The following PSMB8 variants were observed in gnomAD, a reference collection of about 807,000 sequenced individuals.
The protein encoded by PSMB8 is proteasome 20S subunit beta 8.
PSMB8 carries 20 observed loss-of-function variants against 32.3 expected under a neutral mutation model. The ratio of observed to expected loss-of-function variants is 0.62; its 90% CI spans 0.44 to 0.90. The LOEUF (loss-of-function observed/expected upper bound fraction) is 0.90. Among genes scored for constraint, PSMB8 ranks in the 40% least tolerant of loss-of-function variants. The probability of loss-of-function intolerance (pLI) is 0.00; values close to 1 mark genes in which losing one functional copy is unlikely to be tolerated. For missense variants in PSMB8, 342 were observed against 365.4 expected (o/e 0.94, Z 0.52); for synonymous variants, 131 against 135.4 (o/e 0.97, Z 0.23).
chr6:32,842,964 C>T lies in PSMB8; in HGVS notation c.273G>A (p.Arg91=), dbSNP rs756757083. 1 of 1,613,290 alleles carries T rather than the reference C, an allele frequency of 6.2e-7. No homozygotes were observed. The highest frequency in any genetic ancestry group is 1.1e-5 in the South Asian group (1 of 91,084). The change falls in exon 2 of 6, where the codon CGG becomes CGA. Residue 91 remains arginine (R), a synonymous_variant. Transcript: ENST00000374882. ...QHGVIAAVDS[R]ASAGSYISAL... is the part of the protein sequence containing the mutation. Reference sequence around the variant, plus strand: ...CACTAATGTAGGACCCAGCTGAGGCCCGAGAATCCACTGCTGCAATCACTC... The same window carrying T: ...CACTAATGTAGGACCCAGCTGAGGCTCGAGAATCCACTGCTGCAATCACTC...
chr6:32,843,752 T>G, intron 1 of PSMB8, 98 bp downstream of exon 1: 1 of 1,486,920 alleles, frequency 6.7e-7, no homozygotes. Context: ...CCCGACCCTG[T>G]ACCCCGCGCT....
chr6:32,842,941 C>G lies in PSMB8; in HGVS notation c.295+1G>C. 2 of 1,613,706 alleles carry G rather than the reference C, an allele frequency of 1.2e-6. No homozygotes were observed. The highest frequency in any genetic ancestry group is 1.3e-5 in the African/African-American group (1 of 75,058). On this transcript the variant is annotated splice_donor_variant, in intron 2 of 5. Coordinates refer to ENST00000374882, the MANE Select transcript of PSMB8 (RefSeq NM_148919.4). LOFTEE classifies it high-confidence loss of function. ...CTGCCTGCTGGAGCGTATACACTCA[C>G]TAATGTAGGACCCAGCTGAGGCCCG...
Position 32,843,028 on chromosome 6 carries a change from G to T in PSMB8, c.209C>A (p.Ala70Asp), listed in dbSNP as rs933373451. Residue 70 changes from alanine to aspartate, a missense_variant, in exon 2 of 6, where the codon GCC becomes GAC. Transcript: ENST00000374882. Reference protein sequence around the residue: ...DGERNVQIEMAHGTTTLAFKF... With the variant: ...DGERNVQIEMDHGTTTLAFKF... ...GAAGGCGAGCGTGGTGGTGCCATGG[G>T]CCATCTCAATCTGAACGTTCCTTTC... 6.8e-6 allele frequency: 11 copies of T among 1,613,096 alleles called. No individual in the cohort carries two copies. The South Asian group carries it at 1.2e-4, about 18-fold the overall frequency.
chr6:32,841,776 A>G, intron 4 of PSMB8, 41 bp from the exon 5 acceptor site: 1 of 1,572,104 alleles, frequency 6.4e-7, no homozygotes, highest in Admixed American at 1.7e-5. Context: ...GGAGAGGAAG[A>G]TGTTGGTAAC....
chr6:32,844,286 C>T (rs1312813989), upstream of PSMB8: 1 of 1,613,820 alleles, frequency 6.2e-7, no homozygotes, highest in South Asian at 1.1e-5. Flanking sequence ...TACCTCCAGG[C>T]CCGGGCATCC....
intron 1 of PSMB8, 144 bp from the exon 2 acceptor site, chr6:32,843,233 C>G (rs569536912): frequency 2.1e-5 from 20 of 964,028 alleles, no homozygotes; most frequent in Non-Finnish European, 3.2e-5. Flanking sequence ...TAACCAATCT[C>G]TAGAAGGAAA....
In PSMB8 at chr6:32,842,951, A is replaced by T; in HGVS notation, c.286T>A (p.Ser96Thr). ...AAVDSRASAG[S>T]YISALRVNKV... ...GAGCGTATACACTCACTAATGTAGG[A>T]CCCAGCTGAGGCCCGAGAATCCACT... Residue 96 changes from serine (S) to threonine (T), a missense_variant, in exon 2 of 6, where the codon TCC becomes ACC. Ser to Thr is a moderately conservative substitution (Grantham distance 58, BLOSUM62 1). Transcript: ENST00000374882. 6.2e-7 allele frequency: 1 copy of T among 1,613,452 alleles called. No individual in the cohort carries two copies.
chr6:32,844,661 G>T, upstream of PSMB8: 1 of 541,848 alleles, frequency 1.8e-6, no homozygotes, highest in Non-Finnish European at 3.3e-6. Flanking sequence ...TCCCTGCTTG[G>T]CTGAGCACTG....
At position 32,843,135 on chromosome 6, in the gene PSMB8, G is replaced by T. The variant is rs769899420; in HGVS notation, c.148-46C>A. On this transcript the variant is annotated intron_variant, in intron 1 of 5. Transcript: ENST00000374882. ...GAGAAAGGCAATGAAAAATTCTGTA[G>T]TAAGAGGCTCCAGGAAAAGGTTTTA... The T allele has an allele frequency of 2.5e-6, 4 of 1,606,880 alleles. No individual in the cohort carries two copies. The East Asian group carries it at 8.9e-5, about 36-fold the overall frequency.
chr6:32,841,626 C>T lies in PSMB8; in HGVS notation c.647G>A (p.Arg216Gln), dbSNP rs1304795371. ...YAYGVMDSGY[R>Q]PNLSPEEAYD... ...GGCCTCTTCAGGGCTAAGATTAGGC[C>T]GATAGCCACTGTCCATGACCCCGTA... The change falls in exon 5 of 6, where the codon CGG (arginine) becomes CAG (glutamine). Residue 216 changes from arginine to glutamine, a missense_variant. By Grantham distance (43) the Arg-to-Gln change is conservative. Coordinates refer to ENST00000374882, the MANE Select transcript of PSMB8 (RefSeq NM_148919.4). The T allele has an allele frequency of 1.3e-5, 21 of 1,612,822 alleles. No individual in the cohort carries two copies. Among genetic ancestry groups the T allele is most frequent in the African/African-American group, 2.7e-5 (2 of 74,882 alleles).
upstream of PSMB8, chr6:32,844,643 A>G (rs1348853319): frequency 7.0e-6 from 4 of 571,522 alleles, no homozygotes; most frequent in African/African-American, 7.5e-5. Flanking sequence ...CGCCCTTCCT[A>G]GCGTTGCTCC....
At chr6:32,841,427 G>C (rs1428598906) in intron 5 of PSMB8, 104 bp downstream of exon 5, 1 of 1,197,166 alleles carries the variant, frequency 8.4e-7, no homozygotes, top group Non-Finnish European at 1.2e-6. Flanking sequence ...TAGTAGAGAC[G>C]GGGTTTCGCC....
At position 32,842,257 on chromosome 6, in the gene PSMB8, G is replaced by A; in HGVS notation, c.414C>T (p.Tyr138=). The change falls in exon 4 of 6, where the codon TAC becomes TAT. Residue 138 remains tyrosine, a synonymous_variant. Coordinates refer to ENST00000374882, the MANE Select transcript of PSMB8 (RefSeq NM_148919.4). ...ERLLAKECRL[Y]YLRNGERISV... ...AAATACGTTCTCCATTTCGCAGATAGTACAGCCTGGGTGAGGACAAGGTGG... is the reference window on the plus strand; with the variant it reads ...AAATACGTTCTCCATTTCGCAGATAATACAGCCTGGGTGAGGACAAGGTGG... The A allele has an allele frequency of 6.2e-7, 1 of 1,613,124 alleles. No individual in the cohort carries two copies. Among genetic ancestry groups the A allele is most frequent in the Non-Finnish European group, 8.5e-7 (1 of 1,180,044 alleles).
Position 32,841,534 on chromosome 6 carries a change from T to C in PSMB8, c.739A>G (p.Asn247Asp). 2 of 1,612,098 alleles carry C rather than the reference T, an allele frequency of 1.2e-6. No individual in the cohort carries two copies. The highest frequency in any genetic ancestry group is 8.5e-7 in the Non-Finnish European group (1 of 1,179,994). Residue 247 changes from asparagine to aspartate, a missense_variant, in exon 5 of 6, where the codon AAT becomes GAT. Physicochemically the swap from Asn to Asp is conservative, Grantham distance 23. Transcript: ENST00000374882. ...GGTGGGAGCATTGGTCTCTTACTAT[T>C]GACAACGCCTCCAGAATAGCTGTCT... ...HRDSYSGGVV[N>D]MYHMKEDGWV...
At chr6:32,844,117 A>C, upstream of PSMB8, 1 of 1,509,772 alleles carries the variant, frequency 6.6e-7, no homozygotes, top group Non-Finnish European at 8.9e-7. Flanking sequence ...CGAGAAAAGG[A>C]CAGTTAGTGC....
At position 32,843,015 on chromosome 6, in the gene PSMB8, G is replaced by T. The variant is rs116638337; in HGVS notation, c.222C>A (p.Thr74=). ...NVQIEMAHGT[T]TLAFKFQHGV... is the part of the protein sequence containing the mutation. ...CATGCTGGAACTTGAAGGCGAGCGT[G>T]GTGGTGCCATGGGCCATCTCAATCT... Residue 74 remains threonine, a synonymous_variant, in exon 2 of 6, where the codon ACC becomes ACA. Coordinates refer to ENST00000374882, the MANE Select transcript of PSMB8 (RefSeq NM_148919.4). The T allele has an allele frequency of 3.1e-3, 5,027 of 1,613,102 alleles. 63 individuals are homozygous for T. Among genetic ancestry groups the T allele is most frequent in the African/African-American group, 0.021 (1,572 of 75,042 alleles).
chr6:32,840,978 T>C lies in PSMB8; in HGVS notation c.812A>G (p.Tyr271Cys), dbSNP rs946863507. The C allele has an allele frequency of 6.2e-7, 1 of 1,613,476 alleles. No individual in the cohort carries two copies. Among genetic ancestry groups the C allele is most frequent in the Non-Finnish European group, 8.5e-7 (1 of 1,179,410 alleles). Residue 271 changes from tyrosine to cysteine, a missense_variant, in exon 6 of 6, where the codon TAC becomes TGC. Tyr to Cys is a radical substitution (Grantham distance 194). Transcript: ENST00000374882. ...CCACCATTATTGATTGGCTTCCCGG[T>C]ACTGGTGCAGCAGGTCACTGACATC... is the stretch of plus-strand genomic sequence containing the variant. ...STDVSDLLHQYREANQ is the reference protein window; with the variant it reads ...STDVSDLLHQCREANQ
intron 1 of PSMB8, among the ~76,000 whole-genome samples, chr6:32,843,446 G>A (rs1770065485): frequency 6.6e-6 from 1 of 152,118 alleles, no homozygotes; most frequent in African/African-American, 2.4e-5. Context: ...AGGGGCTTGG[G>A]ACCTAGACTA....
Position 32,843,005 on chromosome 6 carries a change from A to G in PSMB8, c.232T>C (p.Phe78Leu), listed in dbSNP as rs1272929550. ...EMAHGTTTLA[F>L]KFQHGVIAAV... ...GCAATCACTCCATGCTGGAACTTGAAGGCGAGCGTGGTGGTGCCATGGGCC... is the reference window on the plus strand; with the variant it reads ...GCAATCACTCCATGCTGGAACTTGAGGGCGAGCGTGGTGGTGCCATGGGCC... The change falls in exon 2 of 6, where the codon TTC becomes CTC. Residue 78 changes from phenylalanine (F) to leucine (L), a missense_variant. Coordinates refer to ENST00000374882, the MANE Select transcript of PSMB8 (RefSeq NM_148919.4). 8 of 1,613,114 alleles carry G rather than the reference A, an allele frequency of 5.0e-6. No homozygotes were observed. The South Asian group carries it at 8.8e-5, about 18-fold the overall frequency.
Sources: allele counts gnomAD v4.1 joint callset (sites outside exome capture counted in the v4.1 genomes callset), GRCh38; gene constraint gnomAD v4.1.1; transcripts MANE v1.5; gene names NCBI Gene and HGNC (gene_info 2026-07-23, HGNC 2026-07-21).